MTX3: variants seen among roughly 807,000 people sequenced by gnomAD.
MTX3 encodes metaxin-3.
In MTX3, 27 loss-of-function variants were observed where a neutral mutation model predicts 42.5. That is an observed-to-expected ratio of 0.64 (90% CI 0.47 to 0.88). MTX3 has a LOEUF of 0.88. MTX3 is among the 40% of genes least tolerant of loss of function. The pLI, the probability that MTX3 is intolerant of heterozygous loss-of-function variation, is 0.00. For synonymous variants in MTX3, 144 were observed against 132.9 expected (o/e 1.08, Z -0.57); for missense variants, 378 against 367.0 (o/e 1.03, Z -0.25).
At chr5:79,989,106 T>C (rs1298269848) in intron 4 of MTX3, 46 bp downstream of exon 4, 1 of 1,336,898 alleles carries the variant, frequency 7.5e-7, no homozygotes, top group Admixed American at 2.3e-5. Context: ...ACTATGTACA[T>C]TTGCAACTAG....
rs770172650 is a variant in MTX3 at position 79,983,532 on chromosome 5, T to A, written c.*152A>T. The A allele has an allele frequency of 8.5e-5, 54 of 633,652 alleles. No individual in the cohort carries two copies. The highest frequency in any genetic ancestry group is 1.4e-4 in the Non-Finnish European group (48 of 353,014). The allele number at this position is 633,652 out of a possible 1,614,324, so 39.3% of individuals were successfully genotyped here. A position where few individuals can be genotyped will look rare whatever the true frequency, so the allele number is the denominator to read the frequency against. On this transcript the variant is annotated 3_prime_UTR_variant, in exon 9 of 9. Coordinates refer to ENST00000512528, the MANE Select transcript of MTX3 (RefSeq NM_001363818.2). ...CCAAGCTAGAATACAAGCTTCCTAATAATAATAGTAAAAATAGATGGCATA... is the reference window on the plus strand; with the variant it reads ...CCAAGCTAGAATACAAGCTTCCTAAAAATAATAGTAAAAATAGATGGCATA...
intron 2 of MTX3, 44 bp from the exon 3 acceptor site, chr5:79,990,280 TC>T: frequency 7.5e-7 from 1 of 1,324,692 alleles, no homozygotes. Context: ...CAGTGTGATT[TC>T]CTCTGAGAGA....
chr5:79,976,748 T>C lies in MTX3; in HGVS notation c.*6936A>G, dbSNP rs1268652987. ...GCAGTCAGGAGATTTGAGATTTTTA[T>C]TGAGAAAATAGCTATTTTGACATTA... is the stretch of plus-strand genomic sequence containing the variant. On this transcript the variant is annotated 3_prime_UTR_variant, in exon 9 of 9. Transcript: ENST00000512528. 1 of 152,656 alleles carries C rather than the reference T, an allele frequency of 6.6e-6. No individual in the cohort carries two copies. Among genetic ancestry groups the C allele is most frequent in the African/African-American group, 2.4e-5 (1 of 41,460 alleles). The allele number at this position is 152,656 out of a possible 1,614,324, so 9.5% of individuals were successfully genotyped here.
At chr5:79,985,698 T>A in intron 7 of MTX3, 39 bp from the exon 8 acceptor site, 1 of 1,463,072 alleles carries the variant, frequency 6.8e-7, no homozygotes, top group Non-Finnish European at 9.5e-7. Flanking sequence ...AGACAGGAAA[T>A]TTTTAAAGCC....
intron 8 of MTX3, 53 bp downstream of exon 8, chr5:79,985,518 G>C: frequency 8.3e-7 from 1 of 1,208,094 alleles, no homozygotes; most frequent in Non-Finnish European, 1.2e-6. Context: ...GACAATATTA[G>C]CTACCGAAAG....
Position 79,983,681 on chromosome 5 carries a change from C to A in MTX3, c.*3G>T. On this transcript the variant is annotated 3_prime_UTR_variant, in exon 9 of 9. Coordinates refer to ENST00000512528, the MANE Select transcript of MTX3 (RefSeq NM_001363818.2). ...TGACTTTGGCCACAAACCATGACTA[C>A]TCTCAGGGCGAAAGCCGTTGGAAGG... is the stretch of plus-strand genomic sequence containing the variant. 6.2e-7 allele frequency: 1 copy of A among 1,606,872 alleles called. No individual in the cohort carries two copies. Among genetic ancestry groups the A allele is most frequent in the South Asian group, 1.1e-5 (1 of 90,950 alleles).
In MTX3 at chr5:79,978,890, A is replaced by C. The variant is rs968446475; in HGVS notation, c.*4794T>G. 1 of 152,562 alleles carries C rather than the reference A, an allele frequency of 6.6e-6. No individual in the cohort carries two copies. Among genetic ancestry groups the C allele is most frequent in the Non-Finnish European group, 1.5e-5 (1 of 68,018 alleles). The allele number at this position is 152,562 out of a possible 1,614,324, so 9.5% of individuals were successfully genotyped here. A position where few individuals can be genotyped will look rare whatever the true frequency, so the allele number is the denominator to read the frequency against. On this transcript the variant is annotated 3_prime_UTR_variant, in exon 9 of 9. Transcript: ENST00000512528. The stretch of plus-strand genomic sequence containing the variant: ...AAATGATTAATAAGGATACAAAGAG[A>C]CTTATTTTCCTGTCTTTTGTTATTT...
At position 79,977,811 on chromosome 5, in the gene MTX3, C is replaced by T. The variant is rs1292619273; in HGVS notation, c.*5873G>A. The T allele has an allele frequency of 6.6e-6, 1 of 152,192 alleles. No homozygotes were observed. Among genetic ancestry groups the T allele is most frequent in the African/African-American group, 2.4e-5 (1 of 41,448 alleles). The allele number at this position is 152,192 out of a possible 1,614,324, so 9.4% of individuals were successfully genotyped here. A position where few individuals can be genotyped will look rare whatever the true frequency, so the allele number is the denominator to read the frequency against. ...TGCTTTGTCACTGAGCAACTATAAG[C>T]TTTCTATGATGTATGTATCATACTA... On this transcript the variant is annotated 3_prime_UTR_variant, in exon 9 of 9. Transcript: ENST00000512528.
chr5:79,989,260 A>T lies in MTX3; in HGVS notation c.229-16T>A. 1 of 1,481,480 alleles carries T rather than the reference A, an allele frequency of 6.8e-7. No individual in the cohort carries two copies. 91.8% of individuals were successfully genotyped at this position (1,481,480 alleles called of 1,614,324 possible). ...CATTATATTTCTATTAAAAAAAAAT[A>T]AACCAAAGAAACTCAGAAGTCAAAG... On this transcript the variant is annotated splice_polypyrimidine_tract_variant and intron_variant, in intron 3 of 8. Coordinates refer to ENST00000512528, the MANE Select transcript of MTX3 (RefSeq NM_001363818.2).
At chr5:79,990,838 C>T (rs1450984142) in intron 1 of MTX3, 175 bp from the exon 2 acceptor site, 3 of 721,474 alleles carry the variant, frequency 4.2e-6, no homozygotes, top group Non-Finnish European at 7.6e-6. Context: ...CTTTCGAGGA[C>T]TTTGCTCCCC....
intron 6 of MTX3, among the ~76,000 whole-genome samples, 196 bp from the exon 7 acceptor site, chr5:79,987,303 G>A (rs1831517394): frequency 6.6e-6 from 1 of 151,874 alleles, no homozygotes; most frequent in Admixed American, 6.6e-5. Context: ...AGTCGGGCGT[G>A]GTGGTGGGCA....
intron 7 of MTX3, 86 bp downstream of exon 7, chr5:79,986,864 C>T (rs544096378): frequency 7.4e-7 from 1 of 1,354,772 alleles, no homozygotes; most frequent in Admixed American, 2.2e-5. Context: ...ACACAAACTT[C>T]TAAAATTAAA....
At chr5:79,984,110 G>A (rs905864982) in intron 8 of MTX3, among the ~76,000 whole-genome samples, 7 of 152,124 alleles carry the variant, frequency 4.6e-5, no homozygotes, top group African/African-American at 1.2e-4. Flanking sequence ...GTGTAAAAGC[G>A]GTACTGTTAC....
At chr5:79,988,018 T>C (rs1245260966) in intron 6 of MTX3, among the ~76,000 whole-genome samples, 1 of 152,206 alleles carries the variant, frequency 6.6e-6, no homozygotes, top group African/African-American at 2.4e-5. Flanking sequence ...GGTTTCGCCA[T>C]GTTGGGCAGG....
chr5:79,984,690 A>G (rs1461130972), intron 8 of MTX3, among the ~76,000 whole-genome samples: 1 of 151,378 alleles, frequency 6.6e-6, no homozygotes, highest in Admixed American at 6.6e-5. Context: ...TATTTTTCCT[A>G]GTAGAATCAC....
chr5:79,989,249 TAA>T lies in MTX3; in HGVS notation c.229-7_229-6del. The T allele has an allele frequency of 6.6e-7, 1 of 1,519,892 alleles. No homozygotes were observed. The highest frequency in any genetic ancestry group is 8.9e-7 in the Non-Finnish European group (1 of 1,121,226). 94.2% of individuals were successfully genotyped at this position (1,519,892 alleles called of 1,614,324 possible). A position where few individuals can be genotyped will look rare whatever the true frequency, so the allele number is the denominator to read the frequency against. Reference sequence around the variant, plus strand: ...TTCATAATCAGCATTATATTTCTATTAAAAAAAAATAAACCAAAGAAACTCAG... The same window carrying T: ...TTCATAATCAGCATTATATTTCTATTAAAAAAATAAACCAAAGAAACTCAG... On this transcript the variant is annotated splice_polypyrimidine_tract_variant and splice_region_variant and intron_variant, in intron 3 of 8. Transcript: ENST00000512528.
Position 79,977,953 on chromosome 5 carries a change from T to C in MTX3, c.*5731A>G, listed in dbSNP as rs1034402539. ...ATACAAGTTGGTTCCCTCTGTCTCA[T>C]GGATGCTTAGGAACTGGGTAGTCTG... On this transcript the variant is annotated 3_prime_UTR_variant, in exon 9 of 9. Coordinates refer to ENST00000512528, the MANE Select transcript of MTX3 (RefSeq NM_001363818.2). 1.3e-5 allele frequency: 2 copies of C among 152,198 alleles called. No individual in the cohort carries two copies. The highest frequency in any genetic ancestry group is 2.4e-5 in the African/African-American group (1 of 41,456). The allele number at this position is 152,198 out of a possible 1,614,324, so 9.4% of individuals were successfully genotyped here.
intron 3 of MTX3, among the ~76,000 whole-genome samples, 183 bp downstream of exon 3, chr5:79,989,977 T>C (rs892286110): frequency 2.6e-5 from 4 of 152,238 alleles, no homozygotes; most frequent in Admixed American, 2.6e-4. Flanking sequence ...TACCTCTTCA[T>C]ATGACTTTCA....
chr5:79,990,134 C>T (rs758281464), intron 3 of MTX3, 26 bp downstream of exon 3: 2 of 1,494,494 alleles, frequency 1.3e-6, no homozygotes, highest in Non-Finnish European at 1.8e-6. Context: ...ATCTACCAAT[C>T]TACTTCTTCA....
Sources: allele counts gnomAD v4.1 joint callset (sites outside exome capture counted in the v4.1 genomes callset), GRCh38; gene constraint gnomAD v4.1.1; transcripts MANE v1.5; gene names NCBI Gene and HGNC (gene_info 2026-07-23, HGNC 2026-07-21).